The following CNTNAP5 variants were observed in gnomAD, a reference collection of about 807,000 sequenced individuals.
CNTNAP5 encodes the protein contactin-associated protein-like 5.
Under a neutral mutation model 150.2 loss-of-function variants are expected in CNTNAP5, and 72 were observed. The observed-to-expected ratio is 0.48, with a 90% CI of 0.40 to 0.58. The LOEUF is 0.58. CNTNAP5 is among the 20% of genes least tolerant of loss of function. The probability of loss-of-function intolerance (pLI) is 0.00; values close to 1 mark genes in which losing one functional copy is unlikely to be tolerated. For synonymous variants in CNTNAP5, 672 were observed against 619.8 expected (o/e 1.08, Z -1.25); for missense variants, 1,636 against 1,626.2 (o/e 1.01, Z -0.10).
chr2:124,742,509 T>C (rs10183674), intron 13 of CNTNAP5, among the ~76,000 whole-genome samples: 36,408 of 152,040 alleles, frequency 0.24, 5,193 homozygotes, highest in Non-Finnish European at 0.34. Flanking sequence ...GTATTATTAT[T>C]GTGTGGCAGT....
At chr2:124,823,500 C>G (rs1191553613) in intron 19 of CNTNAP5, among the ~76,000 whole-genome samples, 1 of 152,188 alleles carries the variant, frequency 6.6e-6, no homozygotes, top group Non-Finnish European at 1.5e-5. Context: ...TGACAAGCAT[C>G]TGTTTAACCT....
chr2:124,861,542 C>T (rs902732705), intron 19 of CNTNAP5, among the ~76,000 whole-genome samples: 1 of 151,954 alleles, frequency 6.6e-6, no homozygotes, highest in African/African-American at 2.4e-5. Context: ...GAGCCGAGAT[C>T]ACGCCACTGC....
chr2:124,391,748 G>A (rs1691114811), intron 3 of CNTNAP5, among the ~76,000 whole-genome samples: 1 of 152,200 alleles, frequency 6.6e-6, no homozygotes, highest in Non-Finnish European at 1.5e-5. Flanking sequence ...GAGGTCAGGA[G>A]ATCGAGACCA....
chr2:124,575,000 G>A (rs17011734), intron 11 of CNTNAP5, among the ~76,000 whole-genome samples: 27,642 of 152,150 alleles, frequency 0.18, 2,754 homozygotes, highest in East Asian at 0.37. Context: ...ATCAATGGGC[G>A]TGAAATCTCT....
chr2:124,507,709 C>A (rs1322550424), intron 8 of CNTNAP5, among the ~76,000 whole-genome samples: 7 of 152,262 alleles, frequency 4.6e-5, no homozygotes, highest in Admixed American at 4.6e-4. Context: ...CTTGTTGTAG[C>A]AATGCAGGTT....
At chr2:124,420,475 A>C (rs1349650626) in intron 4 of CNTNAP5, among the ~76,000 whole-genome samples, 1 of 152,078 alleles carries the variant, frequency 6.6e-6, no homozygotes, top group Non-Finnish European at 1.5e-5. Flanking sequence ...TCACACTGCA[A>C]CTGATTCCAA....
chr2:124,653,071 A>G (rs1303935715), intron 13 of CNTNAP5, among the ~76,000 whole-genome samples: 1 of 152,190 alleles, frequency 6.6e-6, no homozygotes, highest in Non-Finnish European at 1.5e-5. Context: ...TAAGTTCTTC[A>G]GGAGCCCTAA....
intron 6 of CNTNAP5, among the ~76,000 whole-genome samples, chr2:124,474,444 T>C (rs979429011): frequency 6.6e-5 from 10 of 152,070 alleles, no homozygotes; most frequent in African/African-American, 2.4e-4. Flanking sequence ...ACATTGATTT[T>C]CTTTTTCTTT....
intron 3 of CNTNAP5, among the ~76,000 whole-genome samples, chr2:124,273,743 A>C (rs1205198319): frequency 6.6e-6 from 1 of 152,190 alleles, no homozygotes; most frequent in Non-Finnish European, 1.5e-5. Flanking sequence ...GTGGGGGCAC[A>C]ACTTGTAAAA....
At position 124,780,242 on chromosome 2, in the gene CNTNAP5, T is replaced by A. The variant is rs945521316; in HGVS notation, c.2752+7225T>A. On this transcript the variant is annotated intron_variant, in intron 17 of 23. Transcript: ENST00000682447. Reference sequence around the variant, plus strand: ...TCTTTTAAGGGTTCTTAAATAAGAATGGCAAGCAAAAGACTGTTTCAAATG... The same window carrying A: ...TCTTTTAAGGGTTCTTAAATAAGAAAGGCAAGCAAAAGACTGTTTCAAATG... 2.6e-5 allele frequency among the ~76,000 whole-genome samples: 4 copies of A among 152,142 alleles called. No homozygotes were observed. The South Asian group carries it at 8.3e-4, about 32-fold the overall frequency.
intron 1 of CNTNAP5, among the ~76,000 whole-genome samples, chr2:124,062,892 C>T (rs1159627465): frequency 1.3e-5 from 2 of 152,044 alleles, no homozygotes; most frequent in Non-Finnish European, 2.9e-5. Context: ...ACACAGCAGT[C>T]ATATTTATCT....
At chr2:124,759,057 A>C (rs1680901402) in intron 14 of CNTNAP5, among the ~76,000 whole-genome samples, 1 of 152,144 alleles carries the variant, frequency 6.6e-6, no homozygotes, top group South Asian at 2.1e-4. Context: ...ATTTTATGCA[A>C]GAAATTAAAA....
intron 7 of CNTNAP5, among the ~76,000 whole-genome samples, chr2:124,486,454 A>T (rs980842468): frequency 3.3e-5 from 5 of 152,236 alleles, no homozygotes; most frequent in African/African-American, 1.2e-4. Flanking sequence ...TATTGAAATA[A>T]CACTTTTTTA....
intron 3 of CNTNAP5, among the ~76,000 whole-genome samples, chr2:124,404,863 G>C (rs78124409): frequency 0.018 from 2,806 of 152,230 alleles, 38 homozygotes; most frequent in Middle Eastern, 0.031. Context: ...TAACTCCAGG[G>C]AAGGAAAGAC....
intron 21 of CNTNAP5, among the ~76,000 whole-genome samples, chr2:124,875,231 G>T (rs546872101): frequency 1.3e-5 from 2 of 152,128 alleles, no homozygotes; most frequent in South Asian, 4.1e-4. Flanking sequence ...ATCTTGCAGA[G>T]GTTGAATTAT....
chr2:124,357,611 A>G (rs1401789008), intron 3 of CNTNAP5, among the ~76,000 whole-genome samples: 8 of 146,410 alleles, frequency 5.5e-5, no homozygotes, highest in African/African-American at 2.0e-4. Flanking sequence ...AAGATCAGAT[A>G]GTTGTAGATA....
chr2:124,352,079 C>T (rs947855492), intron 3 of CNTNAP5, among the ~76,000 whole-genome samples: 4 of 151,920 alleles, frequency 2.6e-5, no homozygotes, highest in African/African-American at 7.2e-5. Context: ...CTGGGGAACA[C>T]GAATGACCAG....
intron 2 of CNTNAP5, 103 bp downstream of exon 2, chr2:124,221,912 G>C: frequency 1.4e-6 from 1 of 700,704 alleles, no homozygotes; most frequent in Non-Finnish European, 2.5e-6. Context: ...ATGTCCAATG[G>C]CCGTCTTCAG....
At chr2:124,375,355 T>A (rs926138387) in intron 3 of CNTNAP5, among the ~76,000 whole-genome samples, 1 of 152,168 alleles carries the variant, frequency 6.6e-6, no homozygotes, top group African/African-American at 2.4e-5. Context: ...TGCATCATGA[T>A]TCTCTTAAAT....
Sources: allele counts gnomAD v4.1 joint callset (sites outside exome capture counted in the v4.1 genomes callset), GRCh38; gene constraint gnomAD v4.1.1; transcripts MANE v1.5; gene names NCBI Gene and HGNC (gene_info 2026-07-23, HGNC 2026-07-21).